Variants in ABCA12 observed in about 807,000 individuals in gnomAD.
The protein encoded by ABCA12 is glucosylceramide transporter ABCA12.
In ABCA12, 156 loss-of-function variants were observed where a neutral mutation model predicts 293.5. The observed-to-expected ratio is 0.53, with a 90% CI of 0.47 to 0.61. ABCA12 has a LOEUF of 0.61. Ranked by LOEUF, ABCA12 falls within the 20% of genes least tolerant of loss-of-function variation. The pLI is 0.00. For missense variants in ABCA12, 2,797 were observed against 3,090.2 expected (o/e 0.91, Z 2.25); for synonymous variants, 1,063 against 1,108.0 (o/e 0.96, Z 0.81).
intron 2 of ABCA12, among the ~76,000 whole-genome samples, chr2:215,091,170 A>G (rs527240934): frequency 6.6e-6 from 1 of 151,954 alleles, no homozygotes; most frequent in Admixed American, 6.6e-5. Flanking sequence ...CTCCACCCCA[A>G]GCAGAGTCCT....
At chr2:215,129,917 T>A (rs956833007) in intron 1 of ABCA12, among the ~76,000 whole-genome samples, 1 of 152,130 alleles carries the variant, frequency 6.6e-6, no homozygotes, top group Non-Finnish European at 1.5e-5. Context: ...TGATGAGAAA[T>A]AGGGATCCAG....
intron 28 of ABCA12, 110 bp downstream of exon 28, chr2:214,986,431 TG>T: frequency 9.2e-7 from 1 of 1,084,352 alleles, no homozygotes; most frequent in Non-Finnish European, 1.4e-6. Flanking sequence ...TTCCTCCATC[TG>T]GGAAATGTAA....
chr2:215,013,540 C>A (rs7594270), intron 15 of ABCA12: 37,930 of 154,224 alleles, frequency 0.25, 8,618 homozygotes, highest in African/African-American at 0.6. Context: ...ACATTTTTTT[C>A]TATTTTCTAT....
chr2:215,131,418 T>C (rs1362775376), intron 1 of ABCA12, among the ~76,000 whole-genome samples: 1 of 152,010 alleles, frequency 6.6e-6, no homozygotes, highest in Non-Finnish European at 1.5e-5. Flanking sequence ...TCATTACTTG[T>C]TATTGGTCTG....
intron 9 of ABCA12, among the ~76,000 whole-genome samples, chr2:215,031,297 C>A (rs933507005): frequency 6.6e-6 from 1 of 152,144 alleles, no homozygotes; most frequent in Admixed American, 6.5e-5. Flanking sequence ...TTTTTATTCT[C>A]TGGAAACCCA....
chr2:215,077,101 C>A (rs1296203088), intron 2 of ABCA12, among the ~76,000 whole-genome samples: 1 of 152,044 alleles, frequency 6.6e-6, no homozygotes, highest in Non-Finnish European at 1.5e-5. Context: ...CTCCAAGGTA[C>A]CTTTAATGTT....
chr2:215,084,847 AC>A (rs1402530214), intron 2 of ABCA12, among the ~76,000 whole-genome samples: 1 of 152,190 alleles, frequency 6.6e-6, no homozygotes, highest in Non-Finnish European at 1.5e-5. Context: ...TAATCCCAGC[AC>A]TTTTGGAGGC....
In ABCA12 at chr2:214,975,195, C is replaced by T. The variant is rs557830277; in HGVS notation, c.5382-331G>A. Among the ~76,000 whole-genome samples, 4 of 152,276 alleles carry T rather than the reference C, an allele frequency of 2.6e-5. No homozygotes were observed. In the South Asian group the frequency reaches 6.2e-4, roughly 24 times the overall value. ...GGCAGGATGGTCTCAAACTCTGGAG[C>T]TCAAGTAATCAGCCCACCTTGGCCT... On this transcript the variant is annotated intron_variant, in intron 34 of 52. Transcript: ENST00000272895.
At chr2:215,000,668 G>A in intron 22 of ABCA12, 37 bp downstream of exon 22, 1 of 1,610,854 alleles carries the variant, frequency 6.2e-7, no homozygotes, top group South Asian at 1.1e-5. Flanking sequence ...CAGAAAAGTT[G>A]TTGATCATTA....
chr2:214,986,635 G>A lies in ABCA12; in HGVS notation c.4070C>T (p.Ser1357Leu). 6.2e-7 allele frequency: 1 copy of A among 1,614,052 alleles called. No homozygotes were observed. Among genetic ancestry groups the A allele is most frequent in the Non-Finnish European group, 8.5e-7 (1 of 1,179,988 alleles). Residue 1357 changes from serine to leucine, a missense_variant, in exon 28 of 53, where the codon TCA becomes TTA. Physicochemically the swap from Ser to Leu is moderately radical, Grantham distance 145. Around this residue, in one of 3 missense-constraint regions of ABCA12, gnomAD observed 2,130 missense variants for 2,427.0 expected, o/e 0.88. Transcript: ENST00000272895. ...ATTGAGGTTATCAACAGCAACTTTT[G>A]AGCCATAGATCTTTGTGACCCCATG... ...ALHGVTKIYG[S>L]KVAVDNLNLN...
In ABCA12 at chr2:214,978,908, T is replaced by C. The variant is rs553840038; in HGVS notation, c.4873A>G (p.Thr1625Ala). 25 of 1,614,054 alleles carry C rather than the reference T, an allele frequency of 1.5e-5. No individual in the cohort carries two copies. The South Asian group carries it at 2.7e-4, about 18-fold the overall frequency. Residue 1625 changes from threonine to alanine, a missense_variant, in exon 32 of 53, where the codon ACC (threonine) becomes GCC (alanine). Transcript: ENST00000272895. Reference protein sequence around the residue: ...ELVYVLPPFSTKVSGAYLSLL... With the variant: ...ELVYVLPPFSAKVSGAYLSLL... Reference sequence around the variant, plus strand: ...GACAGGTAGGCCCCTGAGACTTTGGTGCTGAATGGAGGAAGTACATAAACA... The same window carrying C: ...GACAGGTAGGCCCCTGAGACTTTGGCGCTGAATGGAGGAAGTACATAAACA...
intron 1 of ABCA12, among the ~76,000 whole-genome samples, chr2:215,124,315 G>A (rs1444616712): frequency 1.3e-5 from 2 of 152,104 alleles, no homozygotes; most frequent in African/African-American, 4.8e-5. Context: ...CTTTTCCTCT[G>A]GGTAGATATC....
At chr2:215,125,302 T>A (rs1013402011) in intron 1 of ABCA12, among the ~76,000 whole-genome samples, 1 of 152,176 alleles carries the variant, frequency 6.6e-6, no homozygotes, top group African/African-American at 2.4e-5. Flanking sequence ...TGGTTCCATA[T>A]GAATTTTAGA....
chr2:214,992,316 C>G (rs1020883953), intron 23 of ABCA12, among the ~76,000 whole-genome samples: 1 of 151,240 alleles, frequency 6.6e-6, no homozygotes, highest in African/African-American at 2.4e-5. Context: ...GGTGGCGGGC[C>G]CCCGTAGCCC....
At position 215,012,036 on chromosome 2, in the gene ABCA12, G is replaced by C; in HGVS notation, c.2056C>G (p.Pro686Ala). 1 of 1,613,966 alleles carries C rather than the reference G, an allele frequency of 6.2e-7. No homozygotes were observed. The highest frequency in any genetic ancestry group is 8.5e-7 in the Non-Finnish European group (1 of 1,179,906). ...AGGGATCTCATTTTGTCTAGCAGCG[G>C]ATGTGTGCCAGAAGCCATCTGATTG... ...ILNQMASGTH[P>A]LLDKMRSLKQ... Residue 686 changes from proline (P) to alanine (A), a missense_variant, in exon 16 of 53, where the codon CCG (proline) becomes GCG (alanine). This residue lies in a region of ABCA12 where 2,130 missense variants were observed against 2,427.0 expected (regional missense o/e 0.88). Coordinates refer to ENST00000272895, the MANE Select transcript of ABCA12 (RefSeq NM_173076.3).
intron 18 of ABCA12, among the ~76,000 whole-genome samples, chr2:215,009,640 G>T (rs114745764): frequency 1.3e-5 from 2 of 151,956 alleles, no homozygotes; most frequent in Admixed American, 6.6e-5. Flanking sequence ...AATAATGATC[G>T]CTGTCCATTA....
At chr2:214,960,035 G>A (rs529976517) in intron 39 of ABCA12, among the ~76,000 whole-genome samples, 3 of 152,274 alleles carry the variant, frequency 2.0e-5, no homozygotes, top group Non-Finnish European at 4.4e-5. Flanking sequence ...GTACTAGGAT[G>A]TTAAGGCCCT....
intron 42 of ABCA12, 147 bp from the exon 43 acceptor site, chr2:214,955,508 C>G (rs1190829963): frequency 2.8e-6 from 2 of 715,780 alleles, no homozygotes; most frequent in African/African-American, 1.8e-5. Context: ...TTGGCAAAAC[C>G]CTGTCTCTAC....
intron 22 of ABCA12, among the ~76,000 whole-genome samples, chr2:214,999,026 G>A (rs373033246): frequency 9.1e-4 from 138 of 152,248 alleles, no homozygotes; most frequent in African/African-American, 3.2e-3. Flanking sequence ...CTATCATTCA[G>A]TATCACTTTA....
Sources: gnomAD v4.1 joint callset for allele counts (sites outside exome capture counted in the v4.1 genomes callset) on GRCh38, gnomAD v4.1.1 for gene constraint, gnomAD v4.1.1 regional missense constraint, MANE v1.5 for transcripts, NCBI Gene and HGNC (gene_info 2026-07-23, HGNC 2026-07-21) for gene names.